The following MYT1L variants were observed in gnomAD, a reference collection of about 807,000 sequenced individuals.
MYT1L encodes the protein myelin transcription factor 1 like.
MYT1L carries 12 observed loss-of-function variants against 126.7 expected under a neutral mutation model. The ratio of observed to expected loss-of-function variants is 0.09; its 90% confidence interval spans 0.06 to 0.15. The LOEUF is 0.15. Among genes scored for constraint, MYT1L ranks in the 10% least tolerant of loss-of-function variants. The probability of loss-of-function intolerance (pLI) is 1.00; values close to 1 mark genes in which losing one functional copy is unlikely to be tolerated. For missense variants in MYT1L, 979 were observed against 1,585.2 expected (o/e 0.62, Z 6.49); for synonymous variants, 541 against 604.2 (o/e 0.90, Z 1.53).
At chr2:1,829,986 G>A (rs1409595751) in intron 21 of MYT1L, among the ~76,000 whole-genome samples, 1 of 152,180 alleles carries the variant, frequency 6.6e-6, no homozygotes, top group Non-Finnish European at 1.5e-5. Context: ...CTTTTCTTAG[G>A]AGCTGTGTGT....
chr2:1,875,563 C>A (rs957616215), intron 18 of MYT1L, among the ~76,000 whole-genome samples: 2 of 152,234 alleles, frequency 1.3e-5, no homozygotes, highest in African/African-American at 4.8e-5. Flanking sequence ...AAGCAGTTCT[C>A]TGAGGAGAAG....
chr2:2,115,773 G>A (rs906397239), intron 3 of MYT1L, among the ~76,000 whole-genome samples: 2 of 152,190 alleles, frequency 1.3e-5, no homozygotes, highest in African/African-American at 4.8e-5. Context: ...GGAGAGCTGT[G>A]CTGTGCAGTT....
intron 18 of MYT1L, among the ~76,000 whole-genome samples, chr2:1,860,379 C>T (rs1043276211): frequency 6.6e-6 from 1 of 152,156 alleles, no homozygotes; most frequent in African/African-American, 2.4e-5. Context: ...CCCAGCCTCT[C>T]GCCCTCGCGT....
At chr2:2,132,100 G>T (rs1026932460) in intron 3 of MYT1L, among the ~76,000 whole-genome samples, 3 of 151,546 alleles carry the variant, frequency 2.0e-5, no homozygotes, top group Admixed American at 6.6e-5. Context: ...TAGAGATGGG[G>T]GTTTCACCAC....
intron 3 of MYT1L, among the ~76,000 whole-genome samples, chr2:2,115,498 G>C (rs2080084066): frequency 1.3e-5 from 2 of 152,218 alleles, no homozygotes; most frequent in South Asian, 4.1e-4. Flanking sequence ...TCTATTTATA[G>C]AAAAAGAAAC....
chr2:1,882,095 C>T (rs886114821), intron 18 of MYT1L, among the ~76,000 whole-genome samples: 8 of 152,296 alleles, frequency 5.3e-5, no homozygotes, highest in South Asian at 2.1e-4. Context: ...GCTTTCCTCA[C>T]GAAGGTGACA....
chr2:1,794,185 T>G (rs560117146), intron 23 of MYT1L, among the ~76,000 whole-genome samples: 73 of 152,324 alleles, frequency 4.8e-4, no homozygotes, highest in Non-Finnish European at 7.4e-4. Context: ...ATCTGGTGGC[T>G]TTCCTAGACG....
At chr2:1,961,035 G>A (rs1363628150) in intron 8 of MYT1L, among the ~76,000 whole-genome samples, 1 of 152,080 alleles carries the variant, frequency 6.6e-6, no homozygotes, top group Non-Finnish European at 1.5e-5. Flanking sequence ...TGTGCGTGCA[G>A]TTAGCACTCA....
intron 2 of MYT1L, among the ~76,000 whole-genome samples, chr2:2,256,353 G>T (rs2094812906): frequency 6.6e-6 from 1 of 152,244 alleles, no homozygotes; most frequent in Non-Finnish European, 1.5e-5. Context: ...ATCAGCAGTT[G>T]TCCAACTGTG....
chr2:1,844,977 C>CT (rs34390205), intron 19 of MYT1L, among the ~76,000 whole-genome samples: 5,293 of 133,090 alleles, frequency 0.04, 118 homozygotes, highest in Middle Eastern at 0.047. Context: ...ATCCATCTTC[C>CT]TTTTTTTTTT....
Position 1,889,107 on chromosome 2 carries a change from GTCC to G in MYT1L, c.2520+131_2520+133del, listed in dbSNP as rs1238714237. On this transcript the variant is annotated intron_variant, in intron 16 of 24. Transcript: ENST00000647738. This position sits in a 1 kb window ranked among gnomAD's most constrained non-coding sequence, Gnocchi z 4.1. ...TGGGTCAACAAAAACTGTTTTCTAA[GTCC>G]TCCTCAGCTAAAGGTCATATTTAAA... 2 of 643,488 alleles carry G rather than the reference GTCC, an allele frequency of 3.1e-6. No individual in the cohort carries two copies. The highest frequency in any genetic ancestry group is 1.8e-5 in the African/African-American group (1 of 54,728). The allele number at this position is 643,488 out of a possible 1,614,324, so 39.9% of individuals were successfully genotyped here.
intron 18 of MYT1L, among the ~76,000 whole-genome samples, chr2:1,881,808 T>C (rs900148338): frequency 2.0e-5 from 3 of 152,218 alleles, no homozygotes; most frequent in Non-Finnish European, 4.4e-5. Flanking sequence ...TGCATGTGTA[T>C]GGCTGTAGTC....
chr2:2,069,052 T>G (rs2074268044), intron 3 of MYT1L, among the ~76,000 whole-genome samples: 1 of 152,014 alleles, frequency 6.6e-6, no homozygotes, highest in Non-Finnish European at 1.5e-5. Flanking sequence ...AGGAGAAAAC[T>G]CCTTGACATT....
chr2:1,943,127 C>T lies in MYT1L; in HGVS notation c.360G>A (p.Glu120=). ...GGTCCCCCTCCTCGTCCTCCTCGTC[C>T]TCATCCCCTGGCTCATCATTGTCCT... ...YSEDNDEPGD[E]DEEDEEGDRE... Residue 120 remains glutamate (E), a synonymous_variant, in exon 9 of 25, where the codon GAG becomes GAA. Transcript: ENST00000647738. The surrounding 1 kb of genome is among the most constrained non-coding windows in gnomAD (Gnocchi z 4.4). The T allele has an allele frequency of 6.6e-7, 1 of 1,521,566 alleles. No individual in the cohort carries two copies. The allele number at this position is 1,521,566 out of a possible 1,614,324, so 94.3% of individuals were successfully genotyped here. A position where few individuals can be genotyped will look rare whatever the true frequency, so the allele number is the denominator to read the frequency against.
At chr2:1,959,963 T>G (rs955854013) in intron 8 of MYT1L, among the ~76,000 whole-genome samples, 4 of 152,252 alleles carry the variant, frequency 2.6e-5, no homozygotes, top group African/African-American at 9.6e-5. Context: ...TTATATATTT[T>G]CAGTCATTTG....
intron 2 of MYT1L, among the ~76,000 whole-genome samples, chr2:2,186,662 T>A (rs1469801082): frequency 6.6e-6 from 1 of 152,124 alleles, no homozygotes; most frequent in East Asian, 1.9e-4. Flanking sequence ...GATCCTTGGG[T>A]TTTTCTGGAT....
In MYT1L at chr2:2,299,456, C is replaced by A. The variant is rs540346029; in HGVS notation, c.-520-14953G>T. ...GGAGGCCATGCTTGTGATTTGGAAG[C>A]CTGAGTGTGCACCAGTTAGTTTGGG... is the stretch of plus-strand genomic sequence containing the variant. On this transcript the variant is annotated intron_variant, in intron 1 of 24. Transcript: ENST00000647738. Among the ~76,000 whole-genome samples the A allele has an allele frequency of 5.9e-5, 9 of 152,320 alleles. No individual in the cohort carries two copies. In the South Asian group the frequency reaches 6.2e-4, roughly 11 times the overall value.
intron 22 of MYT1L, among the ~76,000 whole-genome samples, chr2:1,804,232 T>G (rs897453941): frequency 9.9e-5 from 15 of 152,198 alleles, no homozygotes; most frequent in Admixed American, 7.2e-4. Flanking sequence ...ACGATTCTCC[T>G]GTCTCAGCCT....
At chr2:2,262,814 CAT>C (rs1037872583) in intron 2 of MYT1L, among the ~76,000 whole-genome samples, 1 of 148,682 alleles carries the variant, frequency 6.7e-6, no homozygotes, top group East Asian at 2.0e-4. Context: ...CAAATAAAGA[CAT>C]GTGTTTCAAA....
Sources: gnomAD v4.1 joint callset for allele counts (sites outside exome capture counted in the v4.1 genomes callset) on GRCh38, gnomAD v4.1.1 for gene constraint, Gnocchi (gnomAD v3.1) non-coding constraint, MANE v1.5 for transcripts, NCBI Gene and HGNC (gene_info 2026-07-23, HGNC 2026-07-21) for gene names.